Variants in GNAL observed in about 807,000 individuals in gnomAD.
GNAL encodes the protein guanine nucleotide-binding protein G(olf) subunit alpha.
Under a neutral mutation model 55.1 loss-of-function variants are expected in GNAL, and 18 were observed. That is an observed-to-expected ratio of 0.33 (90% confidence interval 0.23 to 0.48). GNAL has a LOEUF of 0.48. Among genes scored for constraint, GNAL ranks in the 20% least tolerant of loss-of-function variants. The pLI, the probability that GNAL is intolerant of heterozygous loss-of-function variation, is 0.99. For missense variants in GNAL, 412 were observed against 614.1 expected (o/e 0.67, Z 3.48); for synonymous variants, 253 against 237.0 (o/e 1.07, Z -0.62).
chr18:11,702,567 A>G (rs2031597964), intron 1 of GNAL, among the ~76,000 whole-genome samples: 1 of 152,224 alleles, frequency 6.6e-6, no homozygotes, highest in Non-Finnish European at 1.5e-5. Flanking sequence ...AATTACTGAC[A>G]TTCAGTAGCA....
At chr18:11,740,372 G>C (rs1404366772) in intron 1 of GNAL, among the ~76,000 whole-genome samples, 1 of 152,056 alleles carries the variant, frequency 6.6e-6, no homozygotes, top group African/African-American at 2.4e-5. Context: ...TTTCTCTAAG[G>C]ATGACCAAGA....
chr18:11,743,596 G>A (rs538917260), intron 1 of GNAL, among the ~76,000 whole-genome samples: 5 of 152,298 alleles, frequency 3.3e-5, no homozygotes, highest in Non-Finnish European at 5.9e-5. Flanking sequence ...TTCATCTGAT[G>A]TTTGTTAATT....
intron 4 of GNAL, among the ~76,000 whole-genome samples, chr18:11,813,257 A>AAAAAAAAAAG (rs1421136040): frequency 2.6e-5 from 4 of 151,784 alleles, no homozygotes; most frequent in African/African-American, 7.3e-5. Flanking sequence ...TCCATCTTAA[A>AAAAAAAAAAG]AAAAAGAAAA....
chr18:11,699,911 A>T (rs1466151273), intron 1 of GNAL, among the ~76,000 whole-genome samples: 1 of 151,902 alleles, frequency 6.6e-6, no homozygotes, highest in African/African-American at 2.4e-5. Context: ...TCTATGAGGG[A>T]TGTTGCTGGT....
At chr18:11,762,215 G>C (rs1394766454) in intron 4 of GNAL, among the ~76,000 whole-genome samples, 2 of 152,172 alleles carry the variant, frequency 1.3e-5, no homozygotes, top group Non-Finnish European at 2.9e-5. Flanking sequence ...TTCCTGAGCT[G>C]CCTGTCTTTC....
At chr18:11,860,832 G>A (rs143938059) in intron 5 of GNAL, among the ~76,000 whole-genome samples, 1 of 152,300 alleles carries the variant, frequency 6.6e-6, no homozygotes, top group East Asian at 1.9e-4. Flanking sequence ...TCTTAGGGAA[G>A]ATTTCATGAC....
chr18:11,871,470 C>T (rs1168091410), intron 9 of GNAL, among the ~76,000 whole-genome samples: 2 of 152,060 alleles, frequency 1.3e-5, no homozygotes, highest in African/African-American at 2.4e-5. Flanking sequence ...AGGCTGGTCT[C>T]GAACTCCTGA....
intron 4 of GNAL, among the ~76,000 whole-genome samples, chr18:11,770,435 G>A (rs1470734024): frequency 6.6e-6 from 1 of 152,072 alleles, no homozygotes; most frequent in Admixed American, 6.6e-5. Context: ...CCTCCCTACT[G>A]CCACCACCCA....
At chr18:11,840,830 G>A (rs2035597469) in intron 5 of GNAL, among the ~76,000 whole-genome samples, 1 of 151,178 alleles carries the variant, frequency 6.6e-6, no homozygotes, top group African/African-American at 2.4e-5. Flanking sequence ...TTCTTTCTTT[G>A]ATTTAGTTCA....
chr18:11,725,451 T>G (rs1189331246), intron 1 of GNAL, among the ~76,000 whole-genome samples: 1 of 152,192 alleles, frequency 6.6e-6, no homozygotes, highest in Non-Finnish European at 1.5e-5. Flanking sequence ...AAATTTCTGT[T>G]GTTTAAGCCA....
intron 4 of GNAL, among the ~76,000 whole-genome samples, chr18:11,793,859 G>A (rs1023103635): frequency 1.3e-5 from 2 of 149,596 alleles, no homozygotes; most frequent in Admixed American, 6.7e-5. Flanking sequence ...GCAGTGAGCC[G>A]AGATTGCACG....
At chr18:11,759,414 T>G (rs111698649) in intron 4 of GNAL, among the ~76,000 whole-genome samples, 15 of 152,368 alleles carry the variant, frequency 9.8e-5, no homozygotes, top group African/African-American at 3.6e-4. Context: ...AGCAGTCTGA[T>G]CTGTTGGTCA....
intron 1 of GNAL, among the ~76,000 whole-genome samples, chr18:11,707,905 A>G (rs2031750849): frequency 6.6e-6 from 1 of 152,238 alleles, no homozygotes; most frequent in African/African-American, 2.4e-5. Flanking sequence ...GCTAGCTTCC[A>G]GCTTTTCTTC....
intron 1 of GNAL, among the ~76,000 whole-genome samples, chr18:11,710,337 G>A (rs562844845): frequency 1.9e-4 from 29 of 152,226 alleles, no homozygotes; most frequent in African/African-American, 4.3e-4. Flanking sequence ...TATTGATGAC[G>A]CAGTTTACAT....
intron 4 of GNAL, among the ~76,000 whole-genome samples, chr18:11,775,466 G>A (rs185913387): frequency 2.8e-4 from 42 of 152,376 alleles, no homozygotes; most frequent in African/African-American, 9.9e-4. Context: ...CCCTGACGGG[G>A]TAGATACGTG....
intron 1 of GNAL, chr18:11,747,605 A>AGCATAGGGGTACTGGGGAT (rs2032717004): frequency 7.2e-6 from 1 of 139,658 alleles, no homozygotes; most frequent in African/African-American, 2.7e-5. Context: ...CTTGTTGTGA[A>AGCATAGGGGTACTGGGGAT]GGATAGGGGT....
In GNAL at chr18:11,796,575, CAAAAAAAAAAAAAA is replaced by C. The variant is rs760136358; in HGVS notation, c.625-28336_625-28323del. ...GGTGACAGAGCGAGACTCCTTCTCA[CAAAAAAAAAAAAAA>C]AAAAAACAAAACACGCAACCTTTCC... On this transcript the variant is annotated intron_variant, in intron 4 of 11. Transcript: ENST00000334049. Among the ~76,000 whole-genome samples, 27 of 58,952 alleles carry C rather than the reference CAAAAAAAAAAAAAA, an allele frequency of 4.6e-4. 1 individual carries two copies. In the Admixed American group the frequency reaches 5.4e-3, roughly 12 times the overall value. The allele number at this position is 58,952 out of a possible 152,430, so 38.7% of individuals were successfully genotyped here.
At chr18:11,755,212 T>C (rs1373585538) in intron 4 of GNAL, among the ~76,000 whole-genome samples, 1 of 152,232 alleles carries the variant, frequency 6.6e-6, no homozygotes, top group Non-Finnish European at 1.5e-5. Flanking sequence ...ACCCCTTCTC[T>C]ACAGAGCACC....
chr18:11,825,628 G>T (rs1383765061), intron 5 of GNAL, among the ~76,000 whole-genome samples: 1 of 151,770 alleles, frequency 6.6e-6, no homozygotes, highest in Admixed American at 6.6e-5. Flanking sequence ...CTACTCGGGA[G>T]GCTGAGGCAG....
Sources: allele counts gnomAD v4.1 joint callset (sites outside exome capture counted in the v4.1 genomes callset), GRCh38; gene constraint gnomAD v4.1.1; transcripts MANE v1.5; gene names NCBI Gene and HGNC (gene_info 2026-07-23, HGNC 2026-07-21).